PDZRN3: variants seen among roughly 807,000 people sequenced by gnomAD.
PDZRN3 encodes E3 ubiquitin-protein ligase PDZRN3.
In PDZRN3, 38 loss-of-function variants were observed where a neutral mutation model predicts 85.7. That is an observed-to-expected ratio of 0.44 (90% CI 0.34 to 0.58). The LOEUF is 0.58. Ranked by LOEUF, PDZRN3 falls within the 20% of genes least tolerant of loss-of-function variation. The pLI is 0.01. For synonymous variants in PDZRN3, 759 were observed against 638.0 expected (o/e 1.19, Z -2.86); for missense variants, 1,629 against 1,506.4 (o/e 1.08, Z -1.35).
intron 2 of PDZRN3, among the ~76,000 whole-genome samples, chr3:73,603,651 C>T (rs1702549276): frequency 6.6e-6 from 1 of 152,094 alleles, no homozygotes; most frequent in Non-Finnish European, 1.5e-5. Flanking sequence ...AATACAAATA[C>T]ATAAAAATTC....
intron 3 of PDZRN3, among the ~76,000 whole-genome samples, chr3:73,496,940 C>T (rs1703878979): frequency 1.3e-5 from 2 of 152,126 alleles, no homozygotes; most frequent in Non-Finnish European, 2.9e-5. Context: ...GAATCATTAA[C>T]GTATGGGCAC....
At chr3:73,558,221 T>TG (rs1004907539) in intron 3 of PDZRN3, among the ~76,000 whole-genome samples, 11 of 11,170 alleles carry the variant, frequency 9.8e-4, no homozygotes, top group African/African-American at 2.4e-3. Flanking sequence ...CTTGGGTATG[T>TG]GAAAAAAAAA....
intron 1 of PDZRN3, among the ~76,000 whole-genome samples, chr3:73,615,151 A>G (rs1252286010): frequency 6.6e-6 from 1 of 152,214 alleles, no homozygotes; most frequent in Non-Finnish European, 1.5e-5. Flanking sequence ...CATGGTCCTA[A>G]GCCAAACGAG....
chr3:73,508,997 C>T (rs912586487), intron 3 of PDZRN3, among the ~76,000 whole-genome samples: 1 of 152,188 alleles, frequency 6.6e-6, no homozygotes, highest in Admixed American at 6.5e-5. Context: ...ATTTCCCCCA[C>T]CCAGGCTCTC....
At chr3:73,608,517 C>T (rs866542281) in intron 2 of PDZRN3, 81 bp downstream of exon 2, 42 of 903,544 alleles carry the variant, frequency 4.6e-5, no homozygotes, top group Non-Finnish European at 6.7e-5. Flanking sequence ...GTTTCCTGCT[C>T]CTCACTGTCC....
chr3:73,617,179 C>T (rs1702775996), intron 1 of PDZRN3, among the ~76,000 whole-genome samples: 1 of 152,178 alleles, frequency 6.6e-6, no homozygotes, highest in African/African-American at 2.4e-5. Context: ...TCATCACTGC[C>T]CTTCCTGGGG....
At chr3:73,533,340 C>A (rs1022914394) in intron 3 of PDZRN3, among the ~76,000 whole-genome samples, 1 of 152,076 alleles carries the variant, frequency 6.6e-6, no homozygotes, top group African/African-American at 2.4e-5. Context: ...GGAGCCATTG[C>A]GAAGGACAGA....
In PDZRN3 at chr3:73,409,510, T is replaced by G. The variant is rs545406612; in HGVS notation, c.919-5115A>C. ...TAGTGAGACCAGTTCCCTTCTTGGC[T>G]GACGGAATGTCACTGAAAGAAGTTC... On this transcript the variant is annotated intron_variant, in intron 3 of 9. Coordinates refer to ENST00000263666, the MANE Select transcript of PDZRN3 (RefSeq NM_015009.3). Among the ~76,000 whole-genome samples the G allele has an allele frequency of 3.3e-5, 5 of 152,312 alleles. No individual in the cohort carries two copies. The South Asian group carries it at 1.0e-3, about 32-fold the overall frequency.
chr3:73,468,413 C>CCT (rs1703266068), intron 3 of PDZRN3, among the ~76,000 whole-genome samples: 1 of 152,086 alleles, frequency 6.6e-6, no homozygotes, highest in African/African-American at 2.4e-5. Context: ...CCTTTTCCCC[C>CCT]CTCTCCATGC....
intron 7 of PDZRN3, 114 bp downstream of exon 7, chr3:73,389,702 G>A: frequency 1.3e-6 from 1 of 772,924 alleles, no homozygotes. Flanking sequence ...ATCTGCGTTT[G>A]TGATCCCTGT....
Position 73,435,950 on chromosome 3 carries a change from T to C in PDZRN3, c.919-31555A>G, listed in dbSNP as rs541188361. 1.6e-4 allele frequency among the ~76,000 whole-genome samples: 25 copies of C among 152,300 alleles called. No homozygotes were observed. The South Asian group carries it at 3.3e-3, about 20-fold the overall frequency. On this transcript the variant is annotated intron_variant, in intron 3 of 9. Transcript: ENST00000263666. ...GTCCATCAATGTCTCATACCCATCA[T>C]TGCTCACCCACTCTGGTGGTCACCA...
chr3:73,542,095 A>C (rs1011329126), intron 3 of PDZRN3, among the ~76,000 whole-genome samples: 3 of 152,194 alleles, frequency 2.0e-5, no homozygotes, highest in Non-Finnish European at 4.4e-5. Flanking sequence ...GGAACTATTA[A>C]TGGGGTTGCA....
chr3:73,593,325 A>G (rs922222912), intron 3 of PDZRN3, among the ~76,000 whole-genome samples: 3 of 152,224 alleles, frequency 2.0e-5, no homozygotes, highest in Admixed American at 6.5e-5. Flanking sequence ...TTTATTCTTC[A>G]TTTTAAAATG....
At chr3:73,475,756 GCCCACAGTA>G (rs1703436963) in intron 3 of PDZRN3, among the ~76,000 whole-genome samples, 1 of 152,196 alleles carries the variant, frequency 6.6e-6, no homozygotes, top group African/African-American at 2.4e-5. Flanking sequence ...GATGAGCCAT[GCCCACAGTA>G]CTGGATGATC....
chr3:73,576,482 T>C (rs1461313236), intron 3 of PDZRN3, among the ~76,000 whole-genome samples: 1 of 152,160 alleles, frequency 6.6e-6, no homozygotes, highest in Non-Finnish European at 1.5e-5. Context: ...GCAGGGACTT[T>C]ACATGTACTT....
chr3:73,467,737 A>T (rs896252393), intron 3 of PDZRN3, among the ~76,000 whole-genome samples: 1 of 152,206 alleles, frequency 6.6e-6, no homozygotes, highest in Non-Finnish European at 1.5e-5. Context: ...GTTCATTTTT[A>T]TGGCTATTCC....
Position 73,607,256 on chromosome 3 carries a change from A to G in PDZRN3, c.810+1342T>C, listed in dbSNP as rs555973968. On this transcript the variant is annotated intron_variant, in intron 2 of 9. Coordinates refer to ENST00000263666, the MANE Select transcript of PDZRN3 (RefSeq NM_015009.3). Reference sequence around the variant, plus strand: ...TCATATTTTAATTTCATTATTTAAAATACTCCCTTTTGTACGTAACTTTTT... The same window carrying G: ...TCATATTTTAATTTCATTATTTAAAGTACTCCCTTTTGTACGTAACTTTTT... Among the ~76,000 whole-genome samples, 18 of 152,350 alleles carry G rather than the reference A, an allele frequency of 1.2e-4. No individual in the cohort carries two copies. The South Asian group carries it at 3.5e-3, about 30-fold the overall frequency.
intron 9 of PDZRN3, among the ~76,000 whole-genome samples, chr3:73,385,297 T>C (rs1253080275): frequency 6.6e-6 from 1 of 152,186 alleles, no homozygotes; most frequent in Non-Finnish European, 1.5e-5. Flanking sequence ...ACTCTGACAA[T>C]GGTAGTAGCA....
intron 3 of PDZRN3, among the ~76,000 whole-genome samples, chr3:73,512,470 G>A (rs963559901): frequency 6.6e-6 from 1 of 152,098 alleles, no homozygotes; most frequent in Admixed American, 6.5e-5. Flanking sequence ...CAATATCCTG[G>A]AAACATAAAA....
Sources: gnomAD v4.1 joint callset for allele counts (sites outside exome capture counted in the v4.1 genomes callset) on GRCh38, gnomAD v4.1.1 for gene constraint, MANE v1.5 for transcripts, NCBI Gene and HGNC (gene_info 2026-07-23, HGNC 2026-07-21) for gene names.